The following GMDS variants were observed in gnomAD, a reference collection of about 807,000 sequenced individuals.
GMDS encodes the protein GDP-mannose 4,6-dehydratase, also known as GDP-mannose 4,6 dehydratase.
Under a neutral mutation model 49.9 loss-of-function variants are expected in GMDS, and 20 were observed. That is an observed-to-expected ratio of 0.40 (90% CI 0.28 to 0.58). The LOEUF is 0.58. Among genes scored for constraint, GMDS ranks in the 20% least tolerant of loss-of-function variants. The pLI is 0.42. For missense variants in GMDS, 362 were observed against 481.4 expected, an observed-to-expected ratio of 0.75 and a Z score of 2.32; for synonymous variants, 177 against 178.6, an observed-to-expected ratio of 0.99 and a Z score of 0.07.
chr6:2,198,013 C>T (rs1392250483), intron 1 of GMDS, among the ~76,000 whole-genome samples: 2 of 152,202 alleles, frequency 1.3e-5, no homozygotes, highest in African/African-American at 4.8e-5. Context: ...TACAAAGTAA[C>T]TTCTCTGATC....
intron 7 of GMDS, among the ~76,000 whole-genome samples, chr6:1,794,245 C>A (rs1419959566): frequency 6.6e-6 from 1 of 152,030 alleles, no homozygotes; most frequent in Non-Finnish European, 1.5e-5. Context: ...TTCCAAATCC[C>A]ATTTACGTAT....
chr6:1,736,395 T>G (rs1037795515), intron 8 of GMDS, among the ~76,000 whole-genome samples: 1 of 152,174 alleles, frequency 6.6e-6, no homozygotes, highest in Admixed American at 6.5e-5. Flanking sequence ...AACTTGAAGC[T>G]TATATGAAAA....
At chr6:2,174,911 T>C (rs899227689) in intron 1 of GMDS, among the ~76,000 whole-genome samples, 4 of 151,922 alleles carry the variant, frequency 2.6e-5, no homozygotes, top group Non-Finnish European at 5.9e-5. Context: ...AAATATGAAA[T>C]ATAGGAAACA....
intron 7 of GMDS, among the ~76,000 whole-genome samples, chr6:1,927,203 A>G (rs202099066): frequency 2.6e-3 from 149 of 57,916 alleles, no homozygotes; most frequent in African/African-American, 3.5e-3. Flanking sequence ...TAGCGTGTTG[A>G]TGTATTTTTA....
At chr6:1,742,057 G>A (rs965548711) in intron 8 of GMDS, among the ~76,000 whole-genome samples, 12 of 151,286 alleles carry the variant, frequency 7.9e-5, no homozygotes, top group Non-Finnish European at 1.6e-4. Flanking sequence ...GAGTAGCTGG[G>A]ATAACAGGCG....
chr6:2,150,871 C>A (rs934208823), intron 1 of GMDS, among the ~76,000 whole-genome samples: 1 of 152,110 alleles, frequency 6.6e-6, no homozygotes, highest in Admixed American at 6.6e-5. Context: ...TTTATACAGA[C>A]CACAGTCAAA....
chr6:2,010,320 C>A, intron 4 of GMDS, among the ~76,000 whole-genome samples: 1 of 136,862 alleles, frequency 7.3e-6, no homozygotes, highest in African/African-American at 2.6e-5. Flanking sequence ...TAGCAAGACT[C>A]CATCTCAAAA....
chr6:2,117,036 G>C (rs574136128), intron 3 of GMDS, among the ~76,000 whole-genome samples: 48 of 152,174 alleles, frequency 3.2e-4, no homozygotes, highest in African/African-American at 1.1e-3. Flanking sequence ...GAACAGTTTT[G>C]ATTGCCATTT....
At chr6:1,761,204 CATT>C (rs1018802057) in intron 7 of GMDS, among the ~76,000 whole-genome samples, 11 of 152,054 alleles carry the variant, frequency 7.2e-5, no homozygotes, top group African/African-American at 2.7e-4. Context: ...TTTAAAAACA[CATT>C]ATAGATGATC....
At chr6:1,794,678 T>C (rs1276396844) in intron 7 of GMDS, among the ~76,000 whole-genome samples, 1 of 152,332 alleles carries the variant, frequency 6.6e-6, no homozygotes, top group South Asian at 2.1e-4. Context: ...GGTACCCAAA[T>C]CATTTTATAG....
chr6:1,770,443 C>G (rs1299586059), intron 7 of GMDS, among the ~76,000 whole-genome samples: 1 of 152,226 alleles, frequency 6.6e-6, no homozygotes, highest in African/African-American at 2.4e-5. Flanking sequence ...AGCGGAGAAT[C>G]TGACCGTGGA....
At chr6:2,052,499 A>G (rs1037654790) in intron 4 of GMDS, among the ~76,000 whole-genome samples, 2 of 152,232 alleles carry the variant, frequency 1.3e-5, no homozygotes, top group African/African-American at 4.8e-5. Context: ...GGCAAAGAGA[A>G]TATGGCTCTT....
At chr6:1,800,820 G>A (rs1044682522) in intron 7 of GMDS, among the ~76,000 whole-genome samples, 1 of 152,114 alleles carries the variant, frequency 6.6e-6, no homozygotes, top group South Asian at 2.1e-4. Context: ...GCAAACAGCT[G>A]CAAGAAGTGG....
intron 9 of GMDS, among the ~76,000 whole-genome samples, chr6:1,656,599 T>TA (rs1026260369): frequency 2.1e-4 from 32 of 151,760 alleles, no homozygotes; most frequent in African/African-American, 5.6e-4. Context: ...CCGTCTCTAC[T>TA]AAAAAAATAC....
intron 7 of GMDS, among the ~76,000 whole-genome samples, chr6:1,912,701 A>G (rs1268985279): frequency 6.6e-6 from 1 of 152,262 alleles, no homozygotes; most frequent in East Asian, 1.9e-4. Context: ...ATATATATAT[A>G]CAAACAAAAC....
chr6:2,147,767 T>C (rs535716752), intron 1 of GMDS, among the ~76,000 whole-genome samples: 1 of 150,980 alleles, frequency 6.6e-6, no homozygotes, highest in East Asian at 1.9e-4. Context: ...ACAGACCTTT[T>C]TCTTTAAGAG....
intron 9 of GMDS, among the ~76,000 whole-genome samples, chr6:1,699,471 G>A (rs1055760548): frequency 1.3e-5 from 2 of 152,158 alleles, no homozygotes; most frequent in East Asian, 3.9e-4. Flanking sequence ...AAAACAATAC[G>A]TGTCGATCCT....
At chr6:1,683,259 G>A (rs533318403) in intron 9 of GMDS, among the ~76,000 whole-genome samples, 1 of 152,280 alleles carries the variant, frequency 6.6e-6, no homozygotes, top group East Asian at 1.9e-4. Context: ...GAGTAGCTGG[G>A]ACTACAGGCG....
chr6:2,218,005 C>T (rs1311038001), intron 1 of GMDS, among the ~76,000 whole-genome samples: 2 of 152,194 alleles, frequency 1.3e-5, no homozygotes, highest in Non-Finnish European at 2.9e-5. Context: ...CAACTGCTCT[C>T]GGGCTCCAAA....
Sources: gnomAD v4.1 joint callset for allele counts (sites outside exome capture counted in the v4.1 genomes callset) on GRCh38, gnomAD v4.1.1 for gene constraint, MANE v1.5 for transcripts, NCBI Gene and HGNC (gene_info 2026-07-23, HGNC 2026-07-21) for gene names.